The following TRIP4 variants were observed in gnomAD, a reference collection of about 807,000 sequenced individuals.
TRIP4 encodes thyroid hormone receptor interactor 4.
Under a neutral mutation model 81.8 loss-of-function variants are expected in TRIP4, and 54 were observed. That is an observed-to-expected ratio of 0.66 (90% CI 0.53 to 0.83). The LOEUF is 0.83. TRIP4 is among the 40% of genes least tolerant of loss of function. TRIP4 has a pLI of 0.00. For missense variants in TRIP4, 662 were observed against 683.6 expected, an observed-to-expected ratio of 0.97 and a Z score of 0.35; for synonymous variants, 270 against 242.8, an observed-to-expected ratio of 1.11 and a Z score of -1.04.
chr15:64,389,230 G>GA (rs1223443143), intron 1 of TRIP4, among the ~76,000 whole-genome samples: 2 of 152,190 alleles, frequency 1.3e-5, no homozygotes, highest in African/African-American at 4.8e-5. Flanking sequence ...CACTGATGTT[G>GA]AAACCTAAAT....
intron 11 of TRIP4, among the ~76,000 whole-genome samples, chr15:64,428,552 G>A (rs1240870126): frequency 6.6e-6 from 1 of 152,070 alleles, no homozygotes; most frequent in Non-Finnish European, 1.5e-5. Context: ...CATCAGACAT[G>A]GGAATCCCAT....
At chr15:64,427,053 C>T (rs1892166872) in intron 11 of TRIP4, among the ~76,000 whole-genome samples, 1 of 151,972 alleles carries the variant, frequency 6.6e-6, no homozygotes, top group Admixed American at 6.6e-5. Flanking sequence ...CATTTTTGAG[C>T]AGCAGAGGGA....
intron 12 of TRIP4, among the ~76,000 whole-genome samples, chr15:64,449,290 G>A (rs867632466): frequency 3.1e-4 from 43 of 137,604 alleles, no homozygotes; most frequent in African/African-American, 1.1e-3. Flanking sequence ...GTTTGTTTTT[G>A]TTTTTTTTTT....
At chr15:64,450,053 G>C in intron 12 of TRIP4, among the ~76,000 whole-genome samples, 1 of 152,158 alleles carries the variant, frequency 6.6e-6, no homozygotes, top group African/African-American at 2.4e-5. Context: ...CCATGAAGAG[G>C]ATGTATTGTA....
In TRIP4 at chr15:64,445,013, A is replaced by G. The variant is rs544622995; in HGVS notation, c.1583A>G (p.Asp528Gly). Residue 528 changes from aspartate to glycine, a missense_variant, in exon 12 of 13, where the codon GAC becomes GGC. Transcript: ENST00000261884. ...SQKQFKEQFP[D>G]ISQESDSPFV... ...TATTTTTATATTTCACAGTTTCCAGACATCAGTCAAGAGTCTGATTCTCCA... is the reference window on the plus strand; with the variant it reads ...TATTTTTATATTTCACAGTTTCCAGGCATCAGTCAAGAGTCTGATTCTCCA... The G allele has an allele frequency of 6.5e-7, 1 of 1,542,782 alleles. No homozygotes were observed. Among genetic ancestry groups the G allele is most frequent in the South Asian group, 1.2e-5 (1 of 86,942 alleles).
chr15:64,399,505 T>G (rs1186546916), intron 4 of TRIP4, among the ~76,000 whole-genome samples: 1 of 151,928 alleles, frequency 6.6e-6, no homozygotes, highest in Non-Finnish European at 1.5e-5. Flanking sequence ...CCTTGAAGTT[T>G]GTTTGTTTGT....
chr15:64,432,093 G>C (rs1892291885), intron 11 of TRIP4, among the ~76,000 whole-genome samples: 1 of 150,564 alleles, frequency 6.6e-6, no homozygotes, highest in African/African-American at 2.4e-5. Context: ...CACCATGTTG[G>C]CCAGGCTAGT....
intron 8 of TRIP4, 123 bp downstream of exon 8, chr15:64,414,334 A>C: frequency 7.6e-7 from 1 of 1,317,948 alleles, no homozygotes. Context: ...TGTACCAATC[A>C]GCTCTCTCAA....
At chr15:64,398,261 A>G (rs1900352563) in intron 4 of TRIP4, among the ~76,000 whole-genome samples, 1 of 151,614 alleles carries the variant, frequency 6.6e-6, no homozygotes, top group South Asian at 2.1e-4. Flanking sequence ...TGTCAGGGAT[A>G]TGATTAGTTA....
At chr15:64,414,008 A>G in intron 7 of TRIP4, 77 bp from the exon 8 acceptor site, 1 of 1,534,336 alleles carries the variant, frequency 6.5e-7, no homozygotes. Flanking sequence ...TTACTATTAA[A>G]GCATTTTATG....
chr15:64,446,749 T>A (rs796091476), intron 12 of TRIP4, among the ~76,000 whole-genome samples: 13 of 152,030 alleles, frequency 8.6e-5, no homozygotes, highest in African/African-American at 3.1e-4. Context: ...AGGGTCTAGC[T>A]GGGACCCATC....
intron 4 of TRIP4, among the ~76,000 whole-genome samples, chr15:64,399,368 G>C (rs570389811): frequency 6.6e-6 from 1 of 152,204 alleles, no homozygotes; most frequent in South Asian, 2.1e-4. Context: ...CTCCCATATG[G>C]AGCTTTCTCT....
At chr15:64,392,872 C>A (rs1024004525) in intron 1 of TRIP4, among the ~76,000 whole-genome samples, 6 of 152,068 alleles carry the variant, frequency 3.9e-5, no homozygotes, top group African/African-American at 1.4e-4. Flanking sequence ...GCTTCAGCCT[C>A]CCAAATTGTT....
At chr15:64,418,416 A>G in intron 8 of TRIP4, 125 bp from the exon 9 acceptor site, 1 of 1,097,268 alleles carries the variant, frequency 9.1e-7, no homozygotes, top group Non-Finnish European at 1.3e-6. Context: ...CCGGCCTGGG[A>G]TATATTTTTC....
intron 12 of TRIP4, among the ~76,000 whole-genome samples, chr15:64,446,523 C>G (rs28373859): frequency 0.96 from 142,202 of 148,644 alleles, 68,255 homozygotes; most frequent in East Asian, 1. Flanking sequence ...TCCTGCCTCA[C>G]CCTCCCGAGT....
chr15:64,423,445 G>A lies in TRIP4; in HGVS notation c.1359-586G>A, dbSNP rs142617884. Among the ~76,000 whole-genome samples the A allele has an allele frequency of 5.5e-4, 58 of 105,792 alleles. 1 individual carries two copies. In the East Asian group the frequency reaches 0.015, roughly 27 times the overall value. The allele number at this position is 105,792 out of a possible 152,430, so 69.4% of individuals were successfully genotyped here. A position where few individuals can be genotyped will look rare whatever the true frequency, so the allele number is the denominator to read the frequency against. ...GCCACTGCTCTCCAGTCTGGCAACAGAGCGAGACTCCGTCTCAAAAAAAAA... is the reference window on the plus strand; with the variant it reads ...GCCACTGCTCTCCAGTCTGGCAACAAAGCGAGACTCCGTCTCAAAAAAAAA... On this transcript the variant is annotated intron_variant, in intron 9 of 12. Coordinates refer to ENST00000261884, the MANE Select transcript of TRIP4 (RefSeq NM_016213.5).
chr15:64,444,759 T>TTTTTTG (rs1221179914), intron 11 of TRIP4: 1 of 177,064 alleles, frequency 5.6e-6, no homozygotes, highest in Admixed American at 6.3e-5. Flanking sequence ...TTTTTTTTTT[T>TTTTTTG]TTTTTTTAAT....
chr15:64,398,649 T>C (rs939917137), intron 4 of TRIP4, among the ~76,000 whole-genome samples: 8 of 151,952 alleles, frequency 5.3e-5, no homozygotes, highest in African/African-American at 1.9e-4. Flanking sequence ...AGAACATACA[T>C]TGTTGAGAGA....
chr15:64,420,524 T>C lies in TRIP4; in HGVS notation c.1358+1796T>C, dbSNP rs1330611310. On this transcript the variant is annotated intron_variant, in intron 9 of 12. Transcript: ENST00000261884. ...ATTACAACATATGTCTTTTGCTTCT[T>C]ATTTCTTTTTTTTTTTTGAAATGAA... Among the ~76,000 whole-genome samples the C allele has an allele frequency of 2.7e-5, 3 of 109,420 alleles. No homozygotes were observed. In the East Asian group the frequency reaches 1.1e-3, roughly 40 times the overall value. The allele number at this position is 109,420 out of a possible 152,430, so 71.8% of individuals were successfully genotyped here. A position where few individuals can be genotyped will look rare whatever the true frequency, so the allele number is the denominator to read the frequency against.
Sources: gnomAD v4.1 joint callset for allele counts (sites outside exome capture counted in the v4.1 genomes callset) on GRCh38, gnomAD v4.1.1 for gene constraint, MANE v1.5 for transcripts, NCBI Gene and HGNC (gene_info 2026-07-23, HGNC 2026-07-21) for gene names.